The following RAB10 variants were observed in gnomAD, a reference collection of about 807,000 sequenced individuals.
RAB10 encodes ras-related protein Rab-10.
In RAB10, 5 loss-of-function variants were observed where a neutral mutation model predicts 25.7. That is an observed-to-expected ratio of 0.19 (90% CI 0.10 to 0.41). RAB10 has a LOEUF of 0.41. Among genes scored for constraint, RAB10 ranks in the 10% least tolerant of loss-of-function variants. The probability of loss-of-function intolerance (pLI) is 1.00; values close to 1 mark genes in which losing one functional copy is unlikely to be tolerated. For missense variants in RAB10, 103 were observed against 245.8 expected (o/e 0.42, Z 3.89); for synonymous variants, 89 against 86.4 (o/e 1.03, Z -0.16).
At chr2:26,096,808 T>C (rs1041010667) in intron 1 of RAB10, among the ~76,000 whole-genome samples, 1 of 152,236 alleles carries the variant, frequency 6.6e-6, no homozygotes, top group African/African-American at 2.4e-5. Flanking sequence ...TTTAATTCAT[T>C]TCAGAAATTT....
intron 1 of RAB10, among the ~76,000 whole-genome samples, chr2:26,044,886 C>A (rs538301236): frequency 6.6e-6 from 1 of 152,038 alleles, no homozygotes; most frequent in Non-Finnish European, 1.5e-5. Flanking sequence ...TTATTCATAA[C>A]CACATTGCTC....
intron 1 of RAB10, among the ~76,000 whole-genome samples, chr2:26,040,725 A>C (rs1364087747): frequency 2.0e-5 from 3 of 152,106 alleles, no homozygotes; most frequent in Non-Finnish European, 2.9e-5. Flanking sequence ...GTTCAGAAGG[A>C]CCTGACTGCC....
intron 1 of RAB10, among the ~76,000 whole-genome samples, chr2:26,079,091 G>A (rs1478105979): frequency 6.6e-6 from 1 of 152,102 alleles, no homozygotes; most frequent in Non-Finnish European, 1.5e-5. Flanking sequence ...GGAGGCTGAG[G>A]CATGAGAATT....
chr2:26,035,929 T>A (rs983427687), intron 1 of RAB10, among the ~76,000 whole-genome samples: 2 of 152,254 alleles, frequency 1.3e-5, no homozygotes, highest in Non-Finnish European at 2.9e-5. Context: ...AGTGATTTTT[T>A]AAATAGATTT....
intron 3 of RAB10, among the ~76,000 whole-genome samples, chr2:26,113,282 A>G (rs1340543427): frequency 6.6e-6 from 1 of 152,032 alleles, no homozygotes; most frequent in East Asian, 1.9e-4. Context: ...TTTTATGATT[A>G]AAACAGTCAG....
intron 1 of RAB10, among the ~76,000 whole-genome samples, chr2:26,042,040 G>A (rs1396889429): frequency 3.9e-5 from 6 of 152,314 alleles, no homozygotes; most frequent in Admixed American, 6.5e-5. Context: ...TCAGGAATGC[G>A]TTACTTATTA....
intron 1 of RAB10, among the ~76,000 whole-genome samples, chr2:26,083,390 C>T (rs1666910267): frequency 6.6e-6 from 1 of 150,928 alleles, no homozygotes; most frequent in African/African-American, 2.4e-5. Context: ...TTTCTCTCTT[C>T]TCTCCCCTCC....
chr2:26,042,741 G>C (rs979715423), intron 1 of RAB10: 1 of 151,800 alleles, frequency 6.6e-6, no homozygotes, highest in Non-Finnish European at 1.5e-5. Context: ...TGGTCCCTGC[G>C]CAAGGATGAC....
chr2:26,036,534 C>CT (rs905737861), intron 1 of RAB10, among the ~76,000 whole-genome samples: 2 of 151,908 alleles, frequency 1.3e-5, no homozygotes, highest in Non-Finnish European at 2.9e-5. Flanking sequence ...TGGCAGGCAC[C>CT]TGTAGTCCCA....
intron 3 of RAB10, among the ~76,000 whole-genome samples, chr2:26,125,312 ATC>A (rs1455954776): frequency 6.6e-6 from 1 of 151,468 alleles, no homozygotes; most frequent in Non-Finnish European, 1.5e-5. Context: ...ATGTAGTGGT[ATC>A]TCTCATTGTG....
At chr2:26,038,240 A>G (rs1298960592) in intron 1 of RAB10, among the ~76,000 whole-genome samples, 3 of 146,048 alleles carry the variant, frequency 2.1e-5, no homozygotes, top group Admixed American at 7.0e-5. Context: ...TTTGTTGCTC[A>G]GGCTGGAGTG....
chr2:26,088,121 A>C (rs927112027), intron 1 of RAB10, among the ~76,000 whole-genome samples: 5 of 152,240 alleles, frequency 3.3e-5, no homozygotes, highest in African/African-American at 1.2e-4. Context: ...ATTTAACTAT[A>C]AATGATGGTT....
chr2:26,118,982 A>C (rs1667748535), intron 3 of RAB10, among the ~76,000 whole-genome samples: 1 of 152,194 alleles, frequency 6.6e-6, no homozygotes, highest in African/African-American at 2.4e-5. Context: ...ATTAATGTGC[A>C]TGTTGGCATA....
chr2:26,085,667 T>G (rs1246914932), intron 1 of RAB10, among the ~76,000 whole-genome samples: 1 of 151,846 alleles, frequency 6.6e-6, no homozygotes, highest in African/African-American at 2.4e-5. Context: ...AGAAAACATT[T>G]GCAAGTCATG....
rs370258437 is a variant in RAB10, at chr2:26,105,045, G to A, written c.189-4723G>A. On this transcript the variant is annotated intron_variant, in intron 2 of 5. Coordinates refer to ENST00000264710, the MANE Select transcript of RAB10 (RefSeq NM_016131.5). ...AGCCACCGCGCCCTGCCATTTTGAG[G>A]TAATTTTTATATATGGTATGGGGTA... Among the ~76,000 whole-genome samples, 3 of 152,012 alleles carry A rather than the reference G, an allele frequency of 2.0e-5. No individual in the cohort carries two copies. In the South Asian group the frequency reaches 6.2e-4, roughly 32 times the overall value.
intron 1 of RAB10, among the ~76,000 whole-genome samples, chr2:26,056,730 C>G (rs76275796): frequency 0.034 from 5,194 of 152,216 alleles, 295 homozygotes; most frequent in African/African-American, 0.12. Flanking sequence ...CGGGCTCAAG[C>G]AGTCTTACCC....
At chr2:26,101,627 C>T (rs1188471695) in intron 2 of RAB10, 1 of 152,292 alleles carries the variant, frequency 6.6e-6, no homozygotes, top group Non-Finnish European at 1.5e-5. Context: ...CACAGAGCTG[C>T]AGTGGTTACC....
intron 3 of RAB10, 124 bp from the exon 4 acceptor site, chr2:26,127,020 G>A: frequency 1.5e-6 from 1 of 682,168 alleles, no homozygotes; most frequent in Non-Finnish European, 2.4e-6. Flanking sequence ...GTTTTAGGGT[G>A]ACTGCTTTAA....
At chr2:26,039,404 G>A (rs1442232081) in intron 1 of RAB10, among the ~76,000 whole-genome samples, 2 of 151,732 alleles carry the variant, frequency 1.3e-5, no homozygotes, top group Admixed American at 1.3e-4. Flanking sequence ...GGAGTGTAGT[G>A]GCGCGATCTG....
Sources: gnomAD v4.1 joint callset for allele counts (sites outside exome capture counted in the v4.1 genomes callset) on GRCh38, gnomAD v4.1.1 for gene constraint, MANE v1.5 for transcripts, NCBI Gene and HGNC (gene_info 2026-07-23, HGNC 2026-07-21) for gene names.